ARID3B: variants seen among roughly 807,000 people sequenced by gnomAD.
The protein encoded by ARID3B is AT-rich interaction domain 3B.
A neutral mutation model predicts 51.9 loss-of-function variants in ARID3B; 10 were observed. The observed-to-expected ratio is 0.19, with a 90% CI of 0.12 to 0.33. The LOEUF is 0.33. Among genes scored for constraint, ARID3B ranks in the 10% least tolerant of loss-of-function variants. ARID3B has a pLI of 1.00. For synonymous variants in ARID3B, 205 were observed against 279.5 expected, an observed-to-expected ratio of 0.73 and a Z score of 2.66; for missense variants, 483 against 716.3, an observed-to-expected ratio of 0.67 and a Z score of 3.72.
chr15:74,585,468 A>T (rs959289512), intron 4 of ARID3B, among the ~76,000 whole-genome samples: 1 of 152,266 alleles, frequency 6.6e-6, no homozygotes, highest in African/African-American at 2.4e-5. Flanking sequence ...TATCAAGGCC[A>T]CTTGACAATA....
intron 2 of ARID3B, among the ~76,000 whole-genome samples, chr15:74,551,867 G>C (rs1381531604): frequency 6.6e-6 from 1 of 151,812 alleles, no homozygotes; most frequent in African/African-American, 2.4e-5. Flanking sequence ...GCATACTCCA[G>C]TCTGATCTCT....
rs71137394 is a variant in ARID3B, at chr15:74,560,031, T to TAAAAAAAA, written c.553-12828_553-12821dup. Among the ~76,000 whole-genome samples the TAAAAAAAA allele has an allele frequency of 1.7e-3, 60 of 35,630 alleles. 10 individuals are homozygous for TAAAAAAAA. Among genetic ancestry groups the TAAAAAAAA allele is most frequent in the Admixed American group, 7.3e-3 (12 of 1,652 alleles). The allele number at this position is 35,630 out of a possible 152,430, so 23.4% of individuals were successfully genotyped here. On this transcript the variant is annotated intron_variant, in intron 2 of 8. Transcript: ENST00000346246. ...CAACATGGCGAAACCCTGTCTCTAC[T>TAAAAAAAA]AAAAAAAAAACCACACACACAAAAA...
intron 5 of ARID3B, among the ~76,000 whole-genome samples, chr15:74,590,555 C>T (rs574691372): frequency 1.4e-4 from 22 of 152,270 alleles, no homozygotes; most frequent in African/African-American, 3.6e-4. Context: ...GTGATGGAAG[C>T]GGTGAAACCA....
At chr15:74,563,372 C>T (rs2061686226) in intron 2 of ARID3B, among the ~76,000 whole-genome samples, 1 of 152,164 alleles carries the variant, frequency 6.6e-6, no homozygotes, top group Non-Finnish European at 1.5e-5. Context: ...TGAGGACACC[C>T]AAACTTGTGG....
At chr15:74,594,292 C>T (rs1383327194) in intron 8 of ARID3B, among the ~76,000 whole-genome samples, 2 of 151,772 alleles carry the variant, frequency 1.3e-5, no homozygotes, top group African/African-American at 4.8e-5. Flanking sequence ...ACTAAAAATA[C>T]AAAAAGTTAG....
At position 74,591,868 on chromosome 15, in the gene ARID3B, A is replaced by C; in HGVS notation, c.1420+54A>C. The C allele has an allele frequency of 6.3e-7, 1 of 1,583,444 alleles. No individual in the cohort carries two copies. Among genetic ancestry groups the C allele is most frequent in the South Asian group, 1.2e-5 (1 of 86,214 alleles). On this transcript the variant is annotated intron_variant, in intron 7 of 8. Coordinates refer to ENST00000346246, the MANE Select transcript of ARID3B (RefSeq NM_006465.4). This position sits in a 1 kb window ranked among gnomAD's most constrained non-coding sequence, Gnocchi z 5.8. ...CTTCCTGGAAACCCCAAGCCCATTC[A>C]CGCCTCCTGGGACTGGTGGGGCAGG...
At chr15:74,547,931 T>G (rs532231479) in intron 2 of ARID3B, among the ~76,000 whole-genome samples, 1 of 152,362 alleles carries the variant, frequency 6.6e-6, no homozygotes, top group Non-Finnish European at 1.5e-5. Flanking sequence ...TCTTTGCATC[T>G]GAAATCCCTT....
intron 2 of ARID3B, among the ~76,000 whole-genome samples, chr15:74,562,743 C>T (rs2061683485): frequency 1.3e-5 from 2 of 152,166 alleles, no homozygotes; most frequent in South Asian, 4.1e-4. Flanking sequence ...AAGTGACTTT[C>T]CAGAAAGTCA....
intron 2 of ARID3B, among the ~76,000 whole-genome samples, chr15:74,564,708 C>T (rs1052590765): frequency 1.3e-5 from 2 of 152,162 alleles, no homozygotes; most frequent in Non-Finnish European, 2.9e-5. Flanking sequence ...TCAAGCAATC[C>T]TCCTATCTCA....
At chr15:74,560,262 G>A (rs1002153332) in intron 2 of ARID3B, among the ~76,000 whole-genome samples, 1 of 151,380 alleles carries the variant, frequency 6.6e-6, no homozygotes, top group East Asian at 1.9e-4. Context: ...AACAGGCCTT[G>A]AGCAATTTAA....
At chr15:74,568,437 A>G (rs2061707235) in intron 2 of ARID3B, among the ~76,000 whole-genome samples, 1 of 152,208 alleles carries the variant, frequency 6.6e-6, no homozygotes, top group African/African-American at 2.4e-5. Flanking sequence ...TGGCACTGTC[A>G]CTAAGAAGCT....
intron 4 of ARID3B, among the ~76,000 whole-genome samples, chr15:74,582,675 C>T (rs375302379): frequency 2.6e-5 from 4 of 152,098 alleles, no homozygotes; most frequent in East Asian, 1.9e-4. Flanking sequence ...TGGCAGTGTT[C>T]GCTAAAGCTA....
At chr15:74,542,028 A>G (rs1167470914) in intron 1 of ARID3B, among the ~76,000 whole-genome samples, 1 of 152,180 alleles carries the variant, frequency 6.6e-6, no homozygotes, top group Non-Finnish European at 1.5e-5. Context: ...CAGTCTTACT[A>G]TAAGAGGCTG....
At chr15:74,559,691 A>G (rs1356816465) in intron 2 of ARID3B, among the ~76,000 whole-genome samples, 2 of 152,130 alleles carry the variant, frequency 1.3e-5, no homozygotes, top group Middle Eastern at 3.4e-3. Flanking sequence ...ATCTTTCCTT[A>G]GTGGTTTTAT....
In ARID3B at chr15:74,589,719, G is replaced by A; in HGVS notation, c.698-101G>A. The A allele has an allele frequency of 4.0e-6, 5 of 1,249,526 alleles. No individual in the cohort carries two copies. In the South Asian group the frequency reaches 5.7e-5, roughly 14 times the overall value. 77.4% of individuals were successfully genotyped at this position (1,249,526 alleles called of 1,614,324 possible). On this transcript the variant is annotated intron_variant, in intron 4 of 8. Coordinates refer to ENST00000346246, the MANE Select transcript of ARID3B (RefSeq NM_006465.4). Reference sequence around the variant, plus strand: ...AGTTAAATTACACTTCCAGGTTGATGAGCATTGTTTCCAGCTCGGCTAAAG... The same window carrying A: ...AGTTAAATTACACTTCCAGGTTGATAAGCATTGTTTCCAGCTCGGCTAAAG...
intron 4 of ARID3B, chr15:74,573,656 T>G (rs1394920761): frequency 5.7e-6 from 1 of 175,756 alleles, no homozygotes; most frequent in African/African-American, 2.4e-5. Flanking sequence ...GGCCAACACT[T>G]TCTTCTTACC....
At chr15:74,570,701 C>T (rs1203225637) in intron 2 of ARID3B, among the ~76,000 whole-genome samples, 1 of 152,108 alleles carries the variant, frequency 6.6e-6, no homozygotes, top group Non-Finnish European at 1.5e-5. Flanking sequence ...ATTACTGGCT[C>T]AAACAAAATC....
chr15:74,556,769 G>GTTTTTTTTTTTTTTTT (rs2061659559), intron 2 of ARID3B, among the ~76,000 whole-genome samples: 1 of 126,312 alleles, frequency 7.9e-6, no homozygotes, highest in Admixed American at 8.6e-5. Flanking sequence ...TCTTTTTTTT[G>GTTTTTTTTTTTTTTTT]TTTTTTGTTT....
intron 4 of ARID3B, chr15:74,574,514 C>G (rs1445425514): frequency 2.0e-5 from 3 of 152,154 alleles, no homozygotes; most frequent in African/African-American, 7.2e-5. Context: ...TCCTTCCTCC[C>G]TACTCCTTTA....
Sources: allele counts gnomAD v4.1 joint callset (sites outside exome capture counted in the v4.1 genomes callset), GRCh38; gene constraint gnomAD v4.1.1; non-coding constraint Gnocchi (gnomAD v3.1); transcripts MANE v1.5; gene names NCBI Gene and HGNC (gene_info 2026-07-23, HGNC 2026-07-21).